PDE8A: variants seen among roughly 807,000 people sequenced by gnomAD.
PDE8A encodes high affinity cAMP-specific and IBMX-insensitive 3',5'-cyclic phosphodiesterase 8A.
PDE8A carries 59 observed loss-of-function variants against 105.0 expected under a neutral mutation model. The ratio of observed to expected loss-of-function variants is 0.56; its 90% confidence interval spans 0.46 to 0.70. The LOEUF (loss-of-function observed/expected upper bound fraction) is 0.70. PDE8A is among the 30% of genes least tolerant of loss of function. The pLI, the probability that PDE8A is intolerant of heterozygous loss-of-function variation, is 0.00. For synonymous variants in PDE8A, 355 were observed against 371.9 expected (o/e 0.95, Z 0.52); for missense variants, 1,014 against 1,045.9 (o/e 0.97, Z 0.42).
intron 1 of PDE8A, among the ~76,000 whole-genome samples, chr15:85,056,377 T>C (rs1185898210): frequency 1.3e-5 from 2 of 152,236 alleles, no homozygotes; most frequent in African/African-American, 4.8e-5. Flanking sequence ...TTGGAGAAGT[T>C]TTCCTGGATA....
intron 1 of PDE8A, among the ~76,000 whole-genome samples, chr15:84,993,168 G>A (rs901631336): frequency 2.3e-4 from 35 of 152,174 alleles, no homozygotes; most frequent in African/African-American, 6.0e-4. Context: ...GATCGGCTGG[G>A]CGTGGTGGCT....
rs1160297492 is a variant in PDE8A, at chr15:84,984,891, C to CTGGTA, written c.186+2544_186+2548dup. ...GGATTTTCAGATTAGGGATGCTGAA[C>CTGGTA]TGGTAAATATAATGCAGATATTCCA... On this transcript the variant is annotated intron_variant, in intron 1 of 21. Transcript: ENST00000394553. Among the ~76,000 whole-genome samples, 4 of 151,620 alleles carry CTGGTA rather than the reference C, an allele frequency of 2.6e-5. No individual in the cohort carries two copies. The East Asian group carries it at 7.7e-4, about 29-fold the overall frequency.
At position 85,095,425 on chromosome 15, in the gene PDE8A, C is replaced by T. The variant is rs999333253; in HGVS notation, c.853-2523C>T. On this transcript the variant is annotated intron_variant, in intron 8 of 21. Transcript: ENST00000394553. ...GTGGGGTGATATCGGCTCACTGCAA[C>T]CTCTGCCTCTCGGGTTGAAGCAATT... Among the ~76,000 whole-genome samples the T allele has an allele frequency of 8.5e-5, 13 of 152,166 alleles. No homozygotes were observed. In the East Asian group the frequency reaches 1.4e-3, roughly 16 times the overall value.
At chr15:84,983,975 C>T (rs147381782) in intron 1 of PDE8A, among the ~76,000 whole-genome samples, 1 of 152,218 alleles carries the variant, frequency 6.6e-6, no homozygotes, top group East Asian at 1.9e-4. Context: ...TCTGTATTGG[C>T]AGACCATTGT....
At chr15:85,073,113 CAAAAAA>C (rs200888078) in intron 3 of PDE8A, among the ~76,000 whole-genome samples, 13 of 150,752 alleles carry the variant, frequency 8.6e-5, no homozygotes, top group African/African-American at 3.2e-4. Context: ...GACCTTGTCT[CAAAAAA>C]AAAGTGGGGT....
chr15:84,986,612 A>G (rs551968634), intron 1 of PDE8A, among the ~76,000 whole-genome samples: 92 of 116,600 alleles, frequency 7.9e-4, no homozygotes, highest in Non-Finnish European at 1.4e-3. Context: ...GGATTAGTCA[A>G]AACTTTTTTT....
At chr15:85,091,388 G>A (rs185489803) in intron 8 of PDE8A, among the ~76,000 whole-genome samples, 1 of 152,326 alleles carries the variant, frequency 6.6e-6, no homozygotes, top group South Asian at 2.1e-4. Flanking sequence ...AATAAGCAAA[G>A]TAACTTGAAT....
intron 9 of PDE8A, among the ~76,000 whole-genome samples, chr15:85,099,196 C>G (rs1276009020): frequency 1.3e-5 from 2 of 152,212 alleles, no homozygotes; most frequent in Non-Finnish European, 2.9e-5. Flanking sequence ...CTAACTGCAG[C>G]CCTGTGAGGT....
intron 21 of PDE8A, among the ~76,000 whole-genome samples, chr15:85,136,938 G>A (rs972840491): frequency 2.0e-5 from 3 of 152,044 alleles, no homozygotes; most frequent in African/African-American, 4.8e-5. Context: ...AAAACCAATC[G>A]TGCTGGCTCC....
intron 21 of PDE8A, among the ~76,000 whole-genome samples, chr15:85,137,004 C>G (rs866897805): frequency 1.3e-5 from 2 of 150,510 alleles, no homozygotes; most frequent in Non-Finnish European, 3.0e-5. Context: ...CCTGCTTCTC[C>G]CAGCCTCACT....
intron 8 of PDE8A, among the ~76,000 whole-genome samples, chr15:85,095,859 A>AATAT (rs1555478243): frequency 4.1e-4 from 48 of 118,274 alleles, no homozygotes; most frequent in Middle Eastern, 3.8e-3. Context: ...GAAGATCCTG[A>AATAT]ATATATATAT....
chr15:85,069,412 G>T (rs901282076), intron 3 of PDE8A, among the ~76,000 whole-genome samples: 1 of 152,140 alleles, frequency 6.6e-6, no homozygotes, highest in African/African-American at 2.4e-5. Context: ...CACAGTTGGC[G>T]CACAGGATTG....
chr15:84,983,923 C>A (rs758435402), intron 1 of PDE8A, among the ~76,000 whole-genome samples: 1 of 152,202 alleles, frequency 6.6e-6, no homozygotes, highest in African/African-American at 2.4e-5. Context: ...ATCGCAGTGC[C>A]GTTAGGTCCC....
chr15:85,002,845 C>T (rs1156512503), intron 1 of PDE8A, among the ~76,000 whole-genome samples: 2 of 152,194 alleles, frequency 1.3e-5, no homozygotes, highest in Admixed American at 6.5e-5. Flanking sequence ...CTTCTTTCAC[C>T]TTTATTGGCC....
At chr15:85,137,441 G>A (rs1162671086) in intron 21 of PDE8A, among the ~76,000 whole-genome samples, 1 of 151,644 alleles carries the variant, frequency 6.6e-6, no homozygotes, top group Non-Finnish European at 1.5e-5. Flanking sequence ...GAGCACACAA[G>A]GGCCAGGCCA....
chr15:85,073,001 C>T (rs1471926760), intron 3 of PDE8A, among the ~76,000 whole-genome samples: 1 of 152,098 alleles, frequency 6.6e-6, no homozygotes, highest in Non-Finnish European at 1.5e-5. Context: ...GTAGTCCCAG[C>T]TACTTGAGAG....
chr15:85,060,768 T>C (rs925489085), intron 1 of PDE8A, among the ~76,000 whole-genome samples: 1 of 152,228 alleles, frequency 6.6e-6, no homozygotes, highest in African/African-American at 2.4e-5. Flanking sequence ...GATTTTTTTT[T>C]TCCACCAAAC....
At chr15:85,035,589 A>T (rs974060305) in intron 1 of PDE8A, among the ~76,000 whole-genome samples, 1 of 152,142 alleles carries the variant, frequency 6.6e-6, no homozygotes, top group Non-Finnish European at 1.5e-5. Flanking sequence ...GTTTAAGGTG[A>T]TTAGTTTCAC....
chr15:85,054,600 TG>T (rs2081030398), intron 1 of PDE8A, among the ~76,000 whole-genome samples: 1 of 152,180 alleles, frequency 6.6e-6, no homozygotes, highest in Non-Finnish European at 1.5e-5. Flanking sequence ...AGTTTATTTG[TG>T]TAGAGGTGTT....
Sources: gnomAD v4.1 joint callset for allele counts (sites outside exome capture counted in the v4.1 genomes callset) on GRCh38, gnomAD v4.1.1 for gene constraint, MANE v1.5 for transcripts, NCBI Gene and HGNC (gene_info 2026-07-23, HGNC 2026-07-21) for gene names.